The following WIF1 variants were observed in gnomAD, a reference collection of about 807,000 sequenced individuals.
WIF1 encodes Wnt inhibitory factor 1.
A neutral mutation model predicts 53.5 loss-of-function variants in WIF1; 35 were observed. That is an observed-to-expected ratio of 0.65 (90% CI 0.50 to 0.87). The LOEUF is 0.87. Ranked by LOEUF, WIF1 falls within the 40% of genes least tolerant of loss-of-function variation. WIF1 has a pLI of 0.00. For synonymous variants in WIF1, 171 were observed against 170.4 expected, an observed-to-expected ratio of 1.00 and a Z score of -0.03; for missense variants, 467 against 476.8, an observed-to-expected ratio of 0.98 and a Z score of 0.19.
intron 5 of WIF1, among the ~76,000 whole-genome samples, chr12:65,067,407 A>T (rs1882703335): frequency 6.6e-6 from 1 of 152,176 alleles, no homozygotes; most frequent in South Asian, 2.1e-4. Flanking sequence ...GAACAATTTC[A>T]GATCAGTGGT....
At chr12:65,073,561 A>C (rs1312316152) in intron 3 of WIF1, among the ~76,000 whole-genome samples, 1 of 152,200 alleles carries the variant, frequency 6.6e-6, no homozygotes, top group African/African-American at 2.4e-5. Flanking sequence ...ATAACTGTTA[A>C]AGATCAAGAG....
intron 2 of WIF1, among the ~76,000 whole-genome samples, chr12:65,112,742 A>G (rs180860128): frequency 4.3e-4 from 66 of 152,266 alleles, no homozygotes; most frequent in African/African-American, 1.6e-3. Context: ...AAAGCCCCTT[A>G]TGATCACCCA....
At chr12:65,089,596 G>T (rs989717341) in intron 2 of WIF1, among the ~76,000 whole-genome samples, 7 of 151,988 alleles carry the variant, frequency 4.6e-5, no homozygotes, top group Non-Finnish European at 1.0e-4. Context: ...CCCACATCCT[G>T]CCTCACAGGT....
chr12:65,116,304 C>T (rs1025862547), intron 2 of WIF1, among the ~76,000 whole-genome samples: 3 of 152,140 alleles, frequency 2.0e-5, no homozygotes, highest in Admixed American at 6.5e-5. Flanking sequence ...CCCCATCACT[C>T]GCATTACCGC....
At chr12:65,102,155 T>C (rs560495718) in intron 2 of WIF1, among the ~76,000 whole-genome samples, 2 of 152,346 alleles carry the variant, frequency 1.3e-5, no homozygotes, top group Admixed American at 1.3e-4. Context: ...CTTTTGCTTC[T>C]CTTTGATAGT....
At chr12:65,076,214 T>C (rs993617068) in intron 3 of WIF1, among the ~76,000 whole-genome samples, 1 of 152,108 alleles carries the variant, frequency 6.6e-6, no homozygotes, top group African/African-American at 2.4e-5. Flanking sequence ...ATTTTTTTAA[T>C]TTTTTGTAGA....
chr12:65,106,652 T>C (rs1185463261), intron 2 of WIF1, among the ~76,000 whole-genome samples: 1 of 152,202 alleles, frequency 6.6e-6, no homozygotes, highest in Non-Finnish European at 1.5e-5. Flanking sequence ...ATCCCAAAAA[T>C]ATTTTTTAAA....
intron 2 of WIF1, among the ~76,000 whole-genome samples, chr12:65,116,941 A>G (rs1329588021): frequency 7.2e-6 from 1 of 137,974 alleles, no homozygotes; most frequent in East Asian, 2.0e-4. Flanking sequence ...TCAAAAAAAA[A>G]AAAAAAAAAA....
intron 6 of WIF1, among the ~76,000 whole-genome samples, chr12:65,064,304 G>T (rs1242071229): frequency 6.6e-6 from 1 of 152,206 alleles, no homozygotes; most frequent in Non-Finnish European, 1.5e-5. Context: ...GTATTGTCAT[G>T]AGCAAGCTTC....
chr12:65,057,222 G>A (rs1452984654), intron 7 of WIF1, among the ~76,000 whole-genome samples: 1 of 152,174 alleles, frequency 6.6e-6, no homozygotes, highest in African/African-American at 2.4e-5. Context: ...CTGGCCAAGA[G>A]GCTGTGAGAT....
At chr12:65,061,216 A>C (rs1474136902) in intron 7 of WIF1, among the ~76,000 whole-genome samples, 1 of 152,224 alleles carries the variant, frequency 6.6e-6, no homozygotes, top group Non-Finnish European at 1.5e-5. Flanking sequence ...TACTTCATCC[A>C]CTACTCATTA....
chr12:65,081,079 A>G (rs1456253717), intron 2 of WIF1, among the ~76,000 whole-genome samples: 1 of 151,980 alleles, frequency 6.6e-6, no homozygotes, highest in African/African-American at 2.4e-5. Context: ...CAGATTTTCT[A>G]TATGTGAATT....
intron 7 of WIF1, among the ~76,000 whole-genome samples, chr12:65,058,913 G>A (rs1882569588): frequency 6.6e-6 from 1 of 152,142 alleles, no homozygotes; most frequent in Non-Finnish European, 1.5e-5. Context: ...TTAGCCAAGT[G>A]TGATGGTGGG....
At chr12:65,057,972 C>T (rs1882554542) in intron 7 of WIF1, among the ~76,000 whole-genome samples, 1 of 152,154 alleles carries the variant, frequency 6.6e-6, no homozygotes, top group Non-Finnish European at 1.5e-5. Context: ...GTTAGGGTCT[C>T]TCACAAACCT....
intron 2 of WIF1, among the ~76,000 whole-genome samples, chr12:65,112,570 A>G (rs1055506056): frequency 6.6e-6 from 1 of 152,120 alleles, no homozygotes. Context: ...GATTTACTCA[A>G]TACAAATTTG....
intron 2 of WIF1, among the ~76,000 whole-genome samples, chr12:65,111,611 GT>G (rs1476439877): frequency 5.3e-5 from 8 of 152,036 alleles, no homozygotes; most frequent in Non-Finnish European, 1.2e-4. Context: ...CTTTTCCTCT[GT>G]GCCCACATCA....
At chr12:65,115,779 G>C (rs1464734338) in intron 2 of WIF1, among the ~76,000 whole-genome samples, 1 of 152,192 alleles carries the variant, frequency 6.6e-6, no homozygotes, top group Non-Finnish European at 1.5e-5. Context: ...AATGGGAATT[G>C]CAGGGAGAGG....
rs1485733903 is a variant in WIF1, at chr12:65,062,545, C to T, written c.762G>A (p.Gly254=). Residue 254 remains glycine, a synonymous_variant, in exon 7 of 10, where the codon GGG becomes GGA. Transcript: ENST00000286574. The stretch of plus-strand genomic sequence containing the variant: ...TACATTTTCCAGGGTAGAAACAGGT[C>T]CCTCCATTAAAGCAGGTGGTTGAGC... ...ANCSTTCFNG[G]TCFYPGKCIC... 1 of 1,608,484 alleles carries T rather than the reference C, an allele frequency of 6.2e-7. No homozygotes were observed. The highest frequency in any genetic ancestry group is 8.5e-7 in the Non-Finnish European group (1 of 1,176,976).
In WIF1 at chr12:65,067,664, GGGAGCAAGGGAAATC is replaced by G. The variant is rs1565750582; in HGVS notation, c.634+16_634+30del. 1.9e-6 allele frequency: 3 copies of G among 1,587,770 alleles called. No individual in the cohort carries two copies. The African/African-American group carries it at 4.0e-5, about 21-fold the overall frequency. On this transcript the variant is annotated intron_variant, in intron 5 of 9. Coordinates refer to ENST00000286574, the MANE Select transcript of WIF1 (RefSeq NM_007191.5). ...GCACGACATCCATGTTCATTAGGAA[GGGAGCAAGGGAAATC>G]GGCTCCATGTCTTACCTTTCTCACA...
Sources: allele counts gnomAD v4.1 joint callset (sites outside exome capture counted in the v4.1 genomes callset), GRCh38; gene constraint gnomAD v4.1.1; transcripts MANE v1.5; gene names NCBI Gene and HGNC (gene_info 2026-07-23, HGNC 2026-07-21).